Variants in RPS6KC1 observed in about 807,000 individuals in gnomAD.
RPS6KC1 encodes inactive ribosomal protein S6 kinase delta-1.
A neutral mutation model predicts 103.8 loss-of-function variants in RPS6KC1; 54 were observed. The observed-to-expected ratio is 0.52, with a 90% CI of 0.42 to 0.65. RPS6KC1 has a LOEUF of 0.65. Among genes scored for constraint, RPS6KC1 ranks in the 30% least tolerant of loss-of-function variants. The pLI is 0.00. For synonymous variants in RPS6KC1, 439 were observed against 438.7 expected (o/e 1.00, Z -0.01); for missense variants, 1,151 against 1,253.8 (o/e 0.92, Z 1.24).
the RPS6KC1 span, among the ~76,000 whole-genome samples, chr1:213,833,011 C>T: frequency 3.9e-5 from 6 of 152,138 alleles, no homozygotes; most frequent in Non-Finnish European, 8.8e-5. Context: ...CAAGAGGCCC[C>T]AGACCCTGCC....
the RPS6KC1 span, among the ~76,000 whole-genome samples, chr1:213,307,691 A>G: frequency 2.0e-5 from 3 of 152,186 alleles, no homozygotes; most frequent in African/African-American, 7.2e-5. Context: ...AAGTGATACA[A>G]AGATCAGCGG....
At chr1:213,630,023 C>G in the RPS6KC1 span, among the ~76,000 whole-genome samples, 73 of 152,210 alleles carry the variant, frequency 4.8e-4, no homozygotes, top group Middle Eastern at 6.8e-3. Context: ...AACATTTTTT[C>G]CTTCATTTCA....
rs1238637773 is a variant in RPS6KC1, at chr1:213,090,231, T to C, written c.262+12415T>C. Among the ~76,000 whole-genome samples the C allele has an allele frequency of 4.6e-5, 7 of 152,338 alleles. No individual in the cohort carries two copies. The South Asian group carries it at 1.2e-3, about 27-fold the overall frequency. On this transcript the variant is annotated intron_variant, in intron 3 of 14. Coordinates refer to ENST00000366960, the MANE Select transcript of RPS6KC1 (RefSeq NM_012424.6). ...GTCTGAGGAGTTTTAAGAATCATGC[T>C]TCTAAACCTACAGCCAGTATTTTTT...
the RPS6KC1 span, among the ~76,000 whole-genome samples, chr1:213,420,795 G>A: frequency 1.1e-4 from 17 of 152,264 alleles, no homozygotes; most frequent in African/African-American, 2.6e-4. Context: ...TCACACTTCC[G>A]GAGGCTGGAA....
At chr1:213,077,648 C>G in intron 2 of RPS6KC1, 48 bp from the exon 3 acceptor site, 1 of 1,208,260 alleles carries the variant, frequency 8.3e-7, no homozygotes, top group Non-Finnish European at 1.1e-6. Flanking sequence ...GTTCAGATAT[C>G]TGAACCTAAA....
the RPS6KC1 span, among the ~76,000 whole-genome samples, chr1:213,579,742 G>T: frequency 6.6e-6 from 1 of 152,018 alleles, no homozygotes; most frequent in Non-Finnish European, 1.5e-5. Flanking sequence ...GAGCCCTTAA[G>T]AATTATGTTA....
chr1:213,274,382 A>G lies in RPS6KC1; in HGVS notation c.*1748A>G, dbSNP rs2095100990. 6.6e-6 allele frequency: 1 copy of G among 152,184 alleles called. No individual in the cohort carries two copies. Among genetic ancestry groups the G allele is most frequent in the African/African-American group, 2.4e-5 (1 of 41,456 alleles). 9.4% of individuals were successfully genotyped at this position (152,184 alleles called of 1,614,324 possible). On this transcript the variant is annotated 3_prime_UTR_variant, in exon 15 of 15. Transcript: ENST00000366960. ...TGTGACATGAAAGTAGGACTTCACAACTAAGGTGAAGATCCCTGCCCTACC... is the reference window on the plus strand; with the variant it reads ...TGTGACATGAAAGTAGGACTTCACAGCTAAGGTGAAGATCCCTGCCCTACC...
chr1:213,852,362 G>A, the RPS6KC1 span, among the ~76,000 whole-genome samples: 4 of 151,712 alleles, frequency 2.6e-5, no homozygotes, highest in African/African-American at 7.3e-5. Flanking sequence ...GCTATTCTAT[G>A]TTATTGTGAA....
intron 3 of RPS6KC1, among the ~76,000 whole-genome samples, chr1:213,101,813 A>G (rs1253666466): frequency 2.0e-5 from 3 of 152,208 alleles, no homozygotes; most frequent in Non-Finnish European, 4.4e-5. Flanking sequence ...CGATAACTAT[A>G]TTGGACTATA....
At chr1:213,505,955 T>G in the RPS6KC1 span, among the ~76,000 whole-genome samples, 24 of 152,252 alleles carry the variant, frequency 1.6e-4, no homozygotes, top group Admixed American at 2.0e-4. Flanking sequence ...CAGTTTCTGT[T>G]TTGTGTCAGG....
At chr1:213,440,720 G>A in the RPS6KC1 span, among the ~76,000 whole-genome samples, 1 of 152,056 alleles carries the variant, frequency 6.6e-6, no homozygotes, top group Non-Finnish European at 1.5e-5. Context: ...TGTCAGAATG[G>A]GTAGGATAGT....
At chr1:213,171,908 T>G (rs1021413060) in intron 7 of RPS6KC1, among the ~76,000 whole-genome samples, 7 of 152,192 alleles carry the variant, frequency 4.6e-5, no homozygotes, top group Non-Finnish European at 7.3e-5. Context: ...TTCAGGAGCT[T>G]TGTCATAATT....
chr1:213,359,644 C>G, the RPS6KC1 span, among the ~76,000 whole-genome samples: 165 of 137,052 alleles, frequency 1.2e-3, no homozygotes, highest in Admixed American at 2.0e-3. Context: ...GCAGTTTCTT[C>G]CTAGCATCGA....
intron 8 of RPS6KC1, among the ~76,000 whole-genome samples, chr1:213,193,259 T>C (rs1174389324): frequency 1.3e-5 from 2 of 152,252 alleles, no homozygotes; most frequent in African/African-American, 4.8e-5. Context: ...TTTTTTGATT[T>C]TCTTTTTTCT....
chr1:213,561,359 T>G, the RPS6KC1 span, among the ~76,000 whole-genome samples: 1 of 152,236 alleles, frequency 6.6e-6, no homozygotes, highest in Non-Finnish European at 1.5e-5. Context: ...CCAACCACGC[T>G]GAACCAAATT....
the RPS6KC1 span, among the ~76,000 whole-genome samples, chr1:213,322,806 C>T: frequency 6.6e-6 from 1 of 151,198 alleles, no homozygotes; most frequent in African/African-American, 2.4e-5. Context: ...GGCTGGAGTG[C>T]AGTGGCACTC....
the RPS6KC1 span, among the ~76,000 whole-genome samples, chr1:213,416,460 A>G: frequency 6.6e-6 from 1 of 152,216 alleles, no homozygotes; most frequent in Admixed American, 6.5e-5. Flanking sequence ...TTGGCCAGTA[A>G]AGGCAGGCTG....
intron 8 of RPS6KC1, among the ~76,000 whole-genome samples, chr1:213,188,850 A>G (rs1340315054): frequency 2.7e-5 from 4 of 150,598 alleles, no homozygotes; most frequent in Admixed American, 6.6e-5. Flanking sequence ...TTTTTTTTAA[A>G]TGTAAATATA....
chr1:213,402,999 G>A, the RPS6KC1 span, among the ~76,000 whole-genome samples: 2 of 150,344 alleles, frequency 1.3e-5, no homozygotes, highest in Non-Finnish European at 3.0e-5. Context: ...ATGGTGGCAG[G>A]TGCCTGTAGT....
Sources: allele counts gnomAD v4.1 joint callset (sites outside exome capture counted in the v4.1 genomes callset), GRCh38; gene constraint gnomAD v4.1.1; transcripts MANE v1.5; gene names NCBI Gene and HGNC (gene_info 2026-07-23, HGNC 2026-07-21).